SLC35A5: variants seen among roughly 807,000 people sequenced by gnomAD.
The protein encoded by SLC35A5 is UDP-sugar transporter protein SLC35A5.
In SLC35A5, 28 loss-of-function variants were observed where a neutral mutation model predicts 36.3. The observed-to-expected ratio is 0.77, with a 90% CI of 0.57 to 1.06. The LOEUF (loss-of-function observed/expected upper bound fraction) is 1.06. Ranked by LOEUF, SLC35A5 falls within the 50% of genes least tolerant of loss-of-function variation. SLC35A5 has a pLI of 0.00. For missense variants in SLC35A5, 521 were observed against 499.3 expected (o/e 1.04, Z -0.41); for synonymous variants, 180 against 173.7 (o/e 1.04, Z -0.29).
rs774591105 is a variant in SLC35A5, at chr3:112,580,579, C to T, written c.462C>T (p.Leu154=). Residue 154 remains leucine, a synonymous_variant, in exon 6 of 7, where the codon CTC becomes CTT. Transcript: ENST00000492406. ...RRLNWIQWAS[L]LTLFLSIVAL... ...TAAACTGGATCCAGTGGGCTTCCCT[C>T]CTGACTTTATTTTTGTCTATTGTGG... 15 of 1,613,760 alleles carry T rather than the reference C, an allele frequency of 9.3e-6. No individual in the cohort carries two copies. In the South Asian group the frequency reaches 1.5e-4, roughly 17 times the overall value.
In SLC35A5 at chr3:112,573,870, ATCTT is replaced by A; in HGVS notation, c.361-18_361-15del. ...AGTACTTCATTTGGATTGTAACTCT[ATCTT>A]CTCTTTCTTTCTAGGCCATGGCTGT... On this transcript the variant is annotated splice_polypyrimidine_tract_variant and intron_variant, in intron 4 of 6. Transcript: ENST00000492406. 6.3e-7 allele frequency: 1 copy of A among 1,599,332 alleles called. No individual in the cohort carries two copies. Among genetic ancestry groups the A allele is most frequent in the Non-Finnish European group, 8.6e-7 (1 of 1,167,008 alleles).
upstream of SLC35A5, chr3:112,561,754 C>A: frequency 1.9e-6 from 1 of 533,618 alleles, no homozygotes; most frequent in South Asian, 2.2e-5. Flanking sequence ...CCCAGGCAGC[C>A]CGCGACGGAC....
At chr3:112,565,207 A>G (rs1279353845) in intron 2 of SLC35A5, among the ~76,000 whole-genome samples, 1 of 152,220 alleles carries the variant, frequency 6.6e-6, no homozygotes, top group Non-Finnish European at 1.5e-5. Context: ...ATGTAAACAC[A>G]TCATGAAAAT....
intron 1 of SLC35A5, among the ~76,000 whole-genome samples, 161 bp from the exon 2 acceptor site, chr3:112,563,224 A>G (rs1187948347): frequency 1.3e-5 from 2 of 152,018 alleles, no homozygotes; most frequent in East Asian, 1.9e-4. Context: ...TCAGATTTTC[A>G]CTTTCCTTTT....
At chr3:112,574,405 C>T (rs1934582050) in intron 5 of SLC35A5, among the ~76,000 whole-genome samples, 1 of 151,980 alleles carries the variant, frequency 6.6e-6, no homozygotes, top group Non-Finnish European at 1.5e-5. Flanking sequence ...CACTAATTAG[C>T]AGAGTGTGTG....
intron 2 of SLC35A5, among the ~76,000 whole-genome samples, chr3:112,566,459 CT>C (rs1412064282): frequency 6.6e-6 from 1 of 152,108 alleles, no homozygotes; most frequent in Non-Finnish European, 1.5e-5. Context: ...ATATTTAAAA[CT>C]TAAGGAACAG....
Position 112,582,756 on chromosome 3 carries a change from C to T in SLC35A5, c.*20C>T. On this transcript the variant is annotated 3_prime_UTR_variant, in exon 7 of 7. Transcript: ENST00000492406. ...TTCTAACTGGTACCCACATAGTTTG[C>T]AGCTCTCTTGAACCTTATTTTCACA... is the stretch of plus-strand genomic sequence containing the variant. 1.3e-6 allele frequency: 2 copies of T among 1,592,372 alleles called. No individual in the cohort carries two copies. Among genetic ancestry groups the T allele is most frequent in the African/African-American group, 1.3e-5 (1 of 74,422 alleles).
intron 6 of SLC35A5, 97 bp downstream of exon 6, chr3:112,581,423 G>GAA (rs1458497501): frequency 1.6e-6 from 2 of 1,219,426 alleles, no homozygotes; most frequent in Non-Finnish European, 2.3e-6. Context: ...ATTTGTCAAA[G>GAA]AATGTATTGG....
chr3:112,571,878 C>G (rs149064052), intron 4 of SLC35A5, among the ~76,000 whole-genome samples: 87 of 151,266 alleles, frequency 5.8e-4, no homozygotes, highest in Admixed American at 1.1e-3. Context: ...CACAGCCAAA[C>G]CCTATCAAGA....
intron 3 of SLC35A5, among the ~76,000 whole-genome samples, chr3:112,569,677 T>C (rs1934354824): frequency 6.6e-6 from 1 of 152,238 alleles, no homozygotes; most frequent in African/African-American, 2.4e-5. Context: ...GAGACTGTTC[T>C]GGGGCAGATT....
chr3:112,562,719 G>A (rs1933984192), intron 1 of SLC35A5, among the ~76,000 whole-genome samples: 1 of 152,178 alleles, frequency 6.6e-6, no homozygotes, highest in South Asian at 2.1e-4. Context: ...AAAAGAGGAG[G>A]AAAATACAAT....
At chr3:112,567,219 C>T (rs1934236294) in intron 2 of SLC35A5, among the ~76,000 whole-genome samples, 1 of 151,402 alleles carries the variant, frequency 6.6e-6, no homozygotes, top group Admixed American at 6.6e-5. Flanking sequence ...GAGCAAGACT[C>T]TGTCTCAAAA....
At chr3:112,574,376 G>A (rs1934580530) in intron 5 of SLC35A5, among the ~76,000 whole-genome samples, 1 of 150,450 alleles carries the variant, frequency 6.6e-6, no homozygotes, top group Non-Finnish European at 1.5e-5. Flanking sequence ...AACTATTTGA[G>A]ATGAGGACGT....
intron 2 of SLC35A5, among the ~76,000 whole-genome samples, chr3:112,567,768 C>T (rs981118416): frequency 5.9e-5 from 9 of 152,156 alleles, no homozygotes; most frequent in South Asian, 2.1e-4. Flanking sequence ...GGTCTGGGAT[C>T]GGCCGTGAAA....
rs1934030612 is a variant in SLC35A5 at position 112,563,389 on chromosome 3, T to A, written c.-15T>A. The A allele has an allele frequency of 1.3e-6, 2 of 1,488,992 alleles. No homozygotes were observed. Among genetic ancestry groups the A allele is most frequent in the Non-Finnish European group, 1.8e-6 (2 of 1,099,750 alleles). The allele number at this position is 1,488,992 out of a possible 1,614,324, so 92.2% of individuals were successfully genotyped here. A position where few individuals can be genotyped will look rare whatever the true frequency, so the allele number is the denominator to read the frequency against. On this transcript the variant is annotated 5_prime_UTR_variant, in exon 2 of 7. Transcript: ENST00000492406. ...GAAAGTGTTTTTCTCTTTAAGGTAATTAAAAAACAGTGGAATGGAAAAACA... is the reference window on the plus strand; with the variant it reads ...GAAAGTGTTTTTCTCTTTAAGGTAAATAAAAAACAGTGGAATGGAAAAACA...
intron 1 of SLC35A5, 30 bp from the exon 2 acceptor site, chr3:112,563,355 G>T: frequency 2.1e-6 from 3 of 1,414,298 alleles, no homozygotes; most frequent in Non-Finnish European, 2.8e-6. Flanking sequence ...TGCCAACAAG[G>T]TCGTTCATGA....
chr3:112,561,450 G>T, upstream of SLC35A5: 1 of 1,612,048 alleles, frequency 6.2e-7, no homozygotes. Flanking sequence ...ACCCTGGCCT[G>T]GCTTACCTTG....
In SLC35A5 at chr3:112,580,799, C is replaced by T. The variant is rs954329062; in HGVS notation, c.682C>T (p.Arg228Cys). 12 of 1,614,066 alleles carry T rather than the reference C, an allele frequency of 7.4e-6. No homozygotes were observed. Among genetic ancestry groups the T allele is most frequent in the African/African-American group, 5.3e-5 (4 of 74,942 alleles). The change falls in exon 6 of 7, where the codon CGT becomes TGT. Residue 228 changes from arginine (R) to cysteine (C), a missense_variant. By Grantham distance (180) the Arg-to-Cys change is radical. Transcript: ENST00000492406. Reference sequence around the variant, plus strand: ...CACAGCCAGAGTTTTCAGTCACATCCGTCTTGGCATGGGCCATGTTCTTAT... The same window carrying T: ...CACAGCCAGAGTTTTCAGTCACATCTGTCTTGGCATGGGCCATGTTCTTAT... The part of the protein sequence containing the change: ...NTTARVFSHI[R>C]LGMGHVLIIV...
In SLC35A5 at chr3:112,582,720, A is replaced by G; in HGVS notation, c.1259A>G (p.Asp420Gly). ...RLTKPKSDES[D>G]EDTF The stretch of plus-strand genomic sequence containing the variant: ...ACCAAACCCAAGAGTGATGAGTCAG[A>G]TGAAGATACTTTCTAACTGGTACCC... The change falls in exon 7 of 7, where the codon GAT becomes GGT. Residue 420 changes from aspartate (D) to glycine (G), a missense_variant. Coordinates refer to ENST00000492406, the MANE Select transcript of SLC35A5 (RefSeq NM_017945.5). 1.2e-6 allele frequency: 2 copies of G among 1,612,544 alleles called. No homozygotes were observed. The highest frequency in any genetic ancestry group is 1.1e-5 in the South Asian group (1 of 90,996).
Sources: allele counts gnomAD v4.1 joint callset (sites outside exome capture counted in the v4.1 genomes callset), GRCh38; gene constraint gnomAD v4.1.1; transcripts MANE v1.5; gene names NCBI Gene and HGNC (gene_info 2026-07-23, HGNC 2026-07-21).